The following B3GALT1 variants were observed in gnomAD, a reference collection of about 807,000 sequenced individuals.
B3GALT1 encodes beta-1,3-galactosyltransferase 1, also known as UDP-Gal:betaGlcNAc beta 1,3-galactosyltransferase, polypeptide 1.
In B3GALT1, 10 loss-of-function variants were observed where a neutral mutation model predicts 23.2. The ratio of observed to expected loss-of-function variants is 0.43; its 90% CI spans 0.27 to 0.73. The LOEUF (loss-of-function observed/expected upper bound fraction) is 0.73, where lower values mean the gene tolerates loss of function less well. B3GALT1 is among the 30% of genes least tolerant of loss of function. The pLI, the probability that B3GALT1 is intolerant of heterozygous loss-of-function variation, is 0.21. For synonymous variants in B3GALT1, 156 were observed against 141.5 expected (o/e 1.10, Z -0.73); for missense variants, 299 against 405.4 (o/e 0.74, Z 2.25).
intron 2 of B3GALT1, among the ~76,000 whole-genome samples, chr2:167,548,795 A>G (rs1048090135): frequency 2.0e-5 from 3 of 152,008 alleles, no homozygotes; most frequent in Non-Finnish European, 4.4e-5. Context: ...TTTCTGTCTC[A>G]TGCAGACAAA....
chr2:167,503,521 A>G (rs1480494282), intron 2 of B3GALT1, among the ~76,000 whole-genome samples: 1 of 152,206 alleles, frequency 6.6e-6, no homozygotes, highest in Non-Finnish European at 1.5e-5. Flanking sequence ...AAAACTCTTT[A>G]CAGTAAATGT....
intron 2 of B3GALT1, among the ~76,000 whole-genome samples, chr2:167,501,519 AAGAC>A (rs1454245720): frequency 1.3e-5 from 2 of 151,972 alleles, no homozygotes; most frequent in African/African-American, 2.4e-5. Flanking sequence ...TTAAACTTAA[AAGAC>A]AGCAACAAAA....
chr2:167,485,756 A>G (rs1410986076), intron 1 of B3GALT1, among the ~76,000 whole-genome samples: 1 of 152,220 alleles, frequency 6.6e-6, no homozygotes, highest in African/African-American at 2.4e-5. Flanking sequence ...ACCTCTGGAA[A>G]AATTTACTCC....
At chr2:167,654,452 C>A (rs1022596398) in intron 3 of B3GALT1, among the ~76,000 whole-genome samples, 3 of 152,072 alleles carry the variant, frequency 2.0e-5, no homozygotes, top group Admixed American at 1.3e-4. Flanking sequence ...AAGTCTGCGT[C>A]AGAATGTTCT....
intron 1 of B3GALT1, among the ~76,000 whole-genome samples, chr2:167,314,977 C>T (rs766597753): frequency 1.3e-5 from 2 of 152,064 alleles, no homozygotes; most frequent in Non-Finnish European, 2.9e-5. Context: ...CATTAGATTA[C>T]CAAACATCTC....
At chr2:167,467,930 G>T (rs1050607945) in intron 1 of B3GALT1, among the ~76,000 whole-genome samples, 1 of 152,170 alleles carries the variant, frequency 6.6e-6, no homozygotes, top group East Asian at 1.9e-4. Flanking sequence ...TTGTAGTCCA[G>T]TAGAGGAAAG....
chr2:167,441,278 T>C lies in B3GALT1; in HGVS notation c.-510-48899T>C, dbSNP rs1413207887. 2.6e-5 allele frequency among the ~76,000 whole-genome samples: 4 copies of C among 152,222 alleles called. No homozygotes were observed. The East Asian group carries it at 7.7e-4, about 29-fold the overall frequency. On this transcript the variant is annotated intron_variant, in intron 1 of 4. Transcript: ENST00000392690. ...ATCTCTGGTAGAAGATTGATTACTT[T>C]AGAGGGTTGTTCTTTCATCTTTAGC... is the stretch of plus-strand genomic sequence containing the variant.
At chr2:167,634,984 CA>C (rs1685523128) in intron 2 of B3GALT1, among the ~76,000 whole-genome samples, 1 of 152,140 alleles carries the variant, frequency 6.6e-6, no homozygotes, top group Non-Finnish European at 1.5e-5. Flanking sequence ...AACAGCACAT[CA>C]AAAAGCTTAT....
chr2:167,815,966 T>C (rs1421379963), intron 3 of B3GALT1, among the ~76,000 whole-genome samples: 1 of 152,226 alleles, frequency 6.6e-6, no homozygotes, highest in Non-Finnish European at 1.5e-5. Flanking sequence ...CTTTGAAATA[T>C]TATTTTGTAT....
At chr2:167,668,674 C>T (rs572957487) in intron 3 of B3GALT1, among the ~76,000 whole-genome samples, 125 of 152,282 alleles carry the variant, frequency 8.2e-4, no homozygotes, top group African/African-American at 2.6e-3. Flanking sequence ...TTAAGCCCAT[C>T]GGAAAAGCAG....
intron 4 of B3GALT1, among the ~76,000 whole-genome samples, chr2:167,853,041 T>C (rs1400772953): frequency 6.6e-6 from 1 of 152,192 alleles, no homozygotes; most frequent in Non-Finnish European, 1.5e-5. Context: ...ATTAACCTAT[T>C]GATTGAGTTA....
rs79416465 is a variant in B3GALT1 at position 167,526,223 on chromosome 2, G to T, written c.-410+35946G>T. Among the ~76,000 whole-genome samples the T allele has an allele frequency of 6.4e-3, 979 of 152,092 alleles. 15 individuals are homozygous for T. Among genetic ancestry groups the T allele is most frequent in the African/African-American group, 0.023 (934 of 41,492 alleles). On this transcript the variant is annotated intron_variant, in intron 2 of 4. Coordinates refer to ENST00000392690, the MANE Select transcript of B3GALT1 (RefSeq NM_020981.4). ...CACACACATATATGTATAAAATTAT[G>T]TCTGTATCTATCCCTCTGTTTATAT... is the stretch of plus-strand genomic sequence containing the variant.
At chr2:167,667,590 A>G (rs965462161) in intron 3 of B3GALT1, among the ~76,000 whole-genome samples, 2 of 152,216 alleles carry the variant, frequency 1.3e-5, no homozygotes, top group Non-Finnish European at 2.9e-5. Context: ...AGGTACACCA[A>G]TCAGACGTAG....
chr2:167,631,769 C>CTTTTTTTTTT (rs558837779), intron 2 of B3GALT1, among the ~76,000 whole-genome samples: 7 of 120,522 alleles, frequency 5.8e-5, no homozygotes, highest in African/African-American at 1.6e-4. Flanking sequence ...CTTTTCTTTT[C>CTTTTTTTTTT]TTTTTTTTTT....
At chr2:167,444,960 G>T (rs934577196) in intron 1 of B3GALT1, among the ~76,000 whole-genome samples, 5 of 152,112 alleles carry the variant, frequency 3.3e-5, no homozygotes, top group African/African-American at 1.2e-4. Context: ...TGTTGTTAGG[G>T]TGTCAATTTT....
At chr2:167,527,095 A>G (rs570603650) in intron 2 of B3GALT1, among the ~76,000 whole-genome samples, 2 of 152,276 alleles carry the variant, frequency 1.3e-5, no homozygotes, top group African/African-American at 4.8e-5. Flanking sequence ...TTATTTAATC[A>G]TATCCTATGA....
intron 1 of B3GALT1, among the ~76,000 whole-genome samples, chr2:167,324,751 A>C (rs1201292455): frequency 6.6e-6 from 1 of 152,046 alleles, no homozygotes; most frequent in African/African-American, 2.4e-5. Context: ...TGAAAAATGT[A>C]GTATATCGTG....
At position 167,522,837 on chromosome 2, in the gene B3GALT1, C is replaced by T. The variant is rs191689127; in HGVS notation, c.-410+32560C>T. On this transcript the variant is annotated intron_variant, in intron 2 of 4. Coordinates refer to ENST00000392690, the MANE Select transcript of B3GALT1 (RefSeq NM_020981.4). ...GAAAGAATGAGTGTTCTTTGTGAAC[C>T]GTAGACTTCACTGGAGTCTTTCACC... is the stretch of plus-strand genomic sequence containing the variant. 6.0e-4 allele frequency among the ~76,000 whole-genome samples: 92 copies of T among 152,136 alleles called. 2 individuals are homozygous for T. Among genetic ancestry groups the T allele is most frequent in the Admixed American group, 4.8e-3 (73 of 15,278 alleles).
chr2:167,555,566 A>G (rs966312407), intron 2 of B3GALT1, among the ~76,000 whole-genome samples: 1 of 152,160 alleles, frequency 6.6e-6, no homozygotes, highest in Non-Finnish European at 1.5e-5. Flanking sequence ...GCTGCTTTCC[A>G]GGAAGAAACA....
Sources: gnomAD v4.1 joint callset for allele counts (sites outside exome capture counted in the v4.1 genomes callset) on GRCh38, gnomAD v4.1.1 for gene constraint, MANE v1.5 for transcripts, NCBI Gene and HGNC (gene_info 2026-07-23, HGNC 2026-07-21) for gene names.